The following BRD10 variants were observed in gnomAD, a reference collection of about 807,000 sequenced individuals.
BRD10 encodes uncharacterized bromodomain-containing protein 10.
At chr9:5,908,564 C>T in the BRD10 span, 1 of 1,232,196 alleles carries the variant, frequency 8.1e-7, no homozygotes, top group Non-Finnish European at 1.2e-6. Context: ...AATATGTTAA[C>T]TATTTTAACT....
At chr9:5,885,381 CT>C in the BRD10 span, among the ~76,000 whole-genome samples, 35,551 of 147,650 alleles carry the variant, frequency 0.24, 4,266 homozygotes, top group South Asian at 0.3. Context: ...TATGTTATCT[CT>C]TTTTTTTTTT....
chr9:5,925,621 G>A, the BRD10 span, among the ~76,000 whole-genome samples: 2 of 152,078 alleles, frequency 1.3e-5, no homozygotes. Context: ...ATCATACAGA[G>A]AGTAACAAAT....
At chr9:5,922,927 T>G in the BRD10 span, 1,105 of 1,614,020 alleles carry the variant, frequency 6.8e-4, 18 homozygotes, top group East Asian at 0.023. Context: ...AAGGAGGCAG[T>G]TGATTTGTTA....
At chr9:5,948,496 A>C in the BRD10 span, among the ~76,000 whole-genome samples, 1 of 151,974 alleles carries the variant, frequency 6.6e-6, no homozygotes, top group African/African-American at 2.4e-5. Context: ...GAGGCCCTGT[A>C]GAGATAAAAA....
the BRD10 span, among the ~76,000 whole-genome samples, chr9:5,952,009 T>G: frequency 6.9e-6 from 1 of 144,346 alleles, no homozygotes; most frequent in East Asian, 2.0e-4. Flanking sequence ...ACTTATTTAT[T>G]TATTTATTTA....
chr9:5,883,805 T>A, the BRD10 span, among the ~76,000 whole-genome samples: 3 of 152,100 alleles, frequency 2.0e-5, no homozygotes, highest in African/African-American at 7.2e-5. Context: ...TTGCTCATAT[T>A]TTTCTATAGT....
the BRD10 span, among the ~76,000 whole-genome samples, chr9:5,974,254 T>C: frequency 2.0e-5 from 3 of 152,158 alleles, no homozygotes; most frequent in Non-Finnish European, 1.5e-5. Context: ...TTAATATAAC[T>C]GTCAAACTAG....
chr9:5,986,116 C>G, the BRD10 span, among the ~76,000 whole-genome samples: 28 of 152,166 alleles, frequency 1.8e-4, no homozygotes, highest in Non-Finnish European at 4.0e-4. Context: ...TATCCTGATG[C>G]TCTCCCTCCC....
chr9:5,896,414 ACT>A, the BRD10 span, among the ~76,000 whole-genome samples: 2 of 152,310 alleles, frequency 1.3e-5, no homozygotes, highest in East Asian at 3.9e-4. Context: ...TCCATCTAGC[ACT>A]GTCATCCCAT....
chr9:5,894,304 G>C, the BRD10 span, among the ~76,000 whole-genome samples: 1 of 152,158 alleles, frequency 6.6e-6, no homozygotes, highest in Non-Finnish European at 1.5e-5. This position sits in a 1 kb window ranked among gnomAD's most constrained non-coding sequence, Gnocchi z 4.0. Context: ...AAACCAACTA[G>C]ATGGTTCAAC....
the BRD10 span, chr9:6,008,037 C>T: frequency 3.5e-6 from 4 of 1,131,882 alleles, no homozygotes; most frequent in East Asian, 1.3e-4. Context: ...CCTCTCCCCT[C>T]CCCCCCGGCG....
the BRD10 span, among the ~76,000 whole-genome samples, chr9:5,930,189 A>T: frequency 4.2e-4 from 63 of 151,604 alleles, no homozygotes; most frequent in African/African-American, 1.5e-3. Flanking sequence ...TCTTTCTAAC[A>T]AAAGATACAT....
the BRD10 span, among the ~76,000 whole-genome samples, chr9:5,978,476 T>C: frequency 1.3e-5 from 2 of 151,940 alleles, no homozygotes; most frequent in Non-Finnish European, 2.9e-5. Flanking sequence ...AAGATATTTA[T>C]TTATATTTTC....
At chr9:5,922,548 C>G in the BRD10 span, 1 of 1,613,928 alleles carries the variant, frequency 6.2e-7, no homozygotes, top group East Asian at 2.2e-5. Context: ...AAAACTGATG[C>G]TAAAGAAGAA....
chr9:5,958,445 C>G, the BRD10 span, among the ~76,000 whole-genome samples: 1 of 152,148 alleles, frequency 6.6e-6, no homozygotes, highest in African/African-American at 2.4e-5. Flanking sequence ...CCTGTCTTCA[C>G]TCCTCAGACC....
At chr9:5,883,462 C>CTTTTTTTTTTTTTTT in the BRD10 span, among the ~76,000 whole-genome samples, 5 of 102,410 alleles carry the variant, frequency 4.9e-5, no homozygotes, top group African/African-American at 1.9e-4. Flanking sequence ...CCTTCTTCTT[C>CTTTTTTTTTTTTTTT]TTTTTTTTTT....
At chr9:5,997,438 T>TG in the BRD10 span, among the ~76,000 whole-genome samples, 13 of 45,936 alleles carry the variant, frequency 2.8e-4, no homozygotes, top group Admixed American at 2.5e-3. Flanking sequence ...CATGAAAAAA[T>TG]GGGTTTTTTT....
At chr9:5,985,350 G>A in the BRD10 span, among the ~76,000 whole-genome samples, 1 of 151,976 alleles carries the variant, frequency 6.6e-6, no homozygotes, top group Non-Finnish European at 1.5e-5. Flanking sequence ...TCCTTAGGTA[G>A]GTCCACAAAA....
At chr9:5,928,031 C>G in the BRD10 span, among the ~76,000 whole-genome samples, 13 of 152,166 alleles carry the variant, frequency 8.5e-5, no homozygotes, top group African/African-American at 3.1e-4. Flanking sequence ...TCAAATCCAA[C>G]TCTTCAATCC....
Sources: gnomAD v4.1 joint callset for allele counts (sites outside exome capture counted in the v4.1 genomes callset) on GRCh38, gnomAD v4.1.1 for gene constraint, Gnocchi (gnomAD v3.1) non-coding constraint, MANE v1.5 for transcripts, NCBI Gene and HGNC (gene_info 2026-07-23, HGNC 2026-07-21) for gene names.